MAGI1: variants seen among roughly 807,000 people sequenced by gnomAD.
MAGI1 encodes the protein membrane associated guanylate kinase, WW and PDZ domain containing 1.
A neutral mutation model predicts 139.9 loss-of-function variants in MAGI1; 58 were observed. The ratio of observed to expected loss-of-function variants is 0.41; its 90% CI spans 0.34 to 0.52. The LOEUF is 0.52. Ranked by LOEUF, MAGI1 falls within the 20% of genes least tolerant of loss-of-function variation. The probability of loss-of-function intolerance (pLI) is 0.12; values close to 1 mark genes in which losing one functional copy is unlikely to be tolerated. For synonymous variants in MAGI1, 812 were observed against 737.9 expected, an observed-to-expected ratio of 1.10 and a Z score of -1.63; for missense variants, 1,874 against 1,901.6, an observed-to-expected ratio of 0.99 and a Z score of 0.27.
At chr3:65,461,440 C>A (rs562575014) in intron 5 of MAGI1, among the ~76,000 whole-genome samples, 1 of 149,308 alleles carries the variant, frequency 6.7e-6, no homozygotes, top group Non-Finnish European at 1.5e-5. Context: ...TGGTCTCGAT[C>A]TCCTGACCTC....
rs571735491 is a variant in MAGI1 at position 65,790,250 on chromosome 3, GA to G, written c.314-168163del. 2.5e-3 allele frequency among the ~76,000 whole-genome samples: 383 copies of G among 152,190 alleles called. 1 individual carries two copies. Among genetic ancestry groups the G allele is most frequent in the African/African-American group, 8.7e-3 (362 of 41,552 alleles). On this transcript the variant is annotated intron_variant, in intron 1 of 22. Coordinates refer to ENST00000402939, the MANE Select transcript of MAGI1 (RefSeq NM_001033057.2). ...CTATAAGACCACTGGCCCATAGTGA[GA>G]AAAAAGGAAAATAAAAGATAAAACG...
chr3:65,745,125 T>G (rs1184269163), intron 1 of MAGI1, among the ~76,000 whole-genome samples: 2 of 152,196 alleles, frequency 1.3e-5, no homozygotes, highest in Non-Finnish European at 2.9e-5. Context: ...CAAGTGATTT[T>G]TTGGAAAACT....
intron 5 of MAGI1, among the ~76,000 whole-genome samples, chr3:65,466,456 A>T (rs997195878): frequency 6.6e-6 from 1 of 151,910 alleles, no homozygotes; most frequent in African/African-American, 2.4e-5. Context: ...GACACCGGAG[A>T]GGGGAATGGG....
chr3:65,643,171 C>A (rs1373119823), intron 1 of MAGI1, among the ~76,000 whole-genome samples: 1 of 152,144 alleles, frequency 6.6e-6, no homozygotes, highest in African/African-American at 2.4e-5. Flanking sequence ...TTCTCAGCTC[C>A]TCACCCACTT....
intron 1 of MAGI1, among the ~76,000 whole-genome samples, chr3:65,910,639 A>G (rs1218253123): frequency 2.6e-5 from 4 of 152,212 alleles, no homozygotes. Flanking sequence ...TTAAAGAACT[A>G]CTTACTTAAA....
chr3:65,949,570 G>C (rs2063698524), intron 1 of MAGI1, among the ~76,000 whole-genome samples: 1 of 152,196 alleles, frequency 6.6e-6, no homozygotes, highest in South Asian at 2.1e-4. Context: ...GCATTCAGCT[G>C]AAGTATGAGA....
intron 1 of MAGI1, among the ~76,000 whole-genome samples, chr3:65,973,033 C>A (rs928085509): frequency 1.7e-4 from 26 of 151,980 alleles, no homozygotes; most frequent in Non-Finnish European, 3.7e-4. Context: ...ACCTGTAGTC[C>A]CAGCTACTTG....
At chr3:65,997,582 G>A (rs553542659) in intron 1 of MAGI1, among the ~76,000 whole-genome samples, 2 of 152,252 alleles carry the variant, frequency 1.3e-5, no homozygotes, top group South Asian at 4.2e-4. Context: ...CATGAACCTG[G>A]GAGGCGGAGG....
At chr3:65,898,134 G>A (rs952019063) in intron 1 of MAGI1, among the ~76,000 whole-genome samples, 8 of 152,226 alleles carry the variant, frequency 5.3e-5, no homozygotes, top group African/African-American at 1.9e-4. Context: ...TTTGATATAC[G>A]ATTTGGTTTA....
intron 12 of MAGI1, among the ~76,000 whole-genome samples, chr3:65,426,131 A>G (rs1037256663): frequency 1.3e-5 from 2 of 152,116 alleles, no homozygotes; most frequent in South Asian, 4.1e-4. Flanking sequence ...AACCTGAGTG[A>G]TCGACTGGCA....
intron 16 of MAGI1, among the ~76,000 whole-genome samples, chr3:65,380,117 A>G (rs970308022): frequency 6.6e-6 from 1 of 152,200 alleles, no homozygotes; most frequent in African/African-American, 2.4e-5. Flanking sequence ...TTCTCTTCTT[A>G]GCTTCCAGGT....
At chr3:65,494,656 C>T (rs953187577) in intron 2 of MAGI1, among the ~76,000 whole-genome samples, 2 of 152,168 alleles carry the variant, frequency 1.3e-5, no homozygotes, top group African/African-American at 2.4e-5. Context: ...TAATAAGCAA[C>T]GATATTTCCC....
intron 1 of MAGI1, among the ~76,000 whole-genome samples, chr3:65,953,726 A>C (rs530298869): frequency 1.3e-5 from 2 of 152,308 alleles, no homozygotes; most frequent in Admixed American, 6.5e-5. Context: ...CTCAGACAAC[A>C]ACCTCAGCAC....
intron 1 of MAGI1, among the ~76,000 whole-genome samples, chr3:65,669,855 T>A (rs2086748955): frequency 1.3e-5 from 2 of 152,222 alleles, no homozygotes. Context: ...GTGTTGGTTA[T>A]TATTTGTGCT....
intron 9 of MAGI1, among the ~76,000 whole-genome samples, chr3:65,437,867 G>C (rs1210373039): frequency 6.6e-6 from 1 of 152,062 alleles, no homozygotes; most frequent in African/African-American, 2.4e-5. Context: ...ACACTACCAA[G>C]TTTCATCAGC....
chr3:65,569,604 C>T (rs902548117), intron 2 of MAGI1, among the ~76,000 whole-genome samples: 1 of 152,030 alleles, frequency 6.6e-6, no homozygotes, highest in African/African-American at 2.4e-5. Flanking sequence ...ACGGCAGGCA[C>T]GGTGGCTTGT....
intron 2 of MAGI1, among the ~76,000 whole-genome samples, chr3:65,577,868 A>C (rs945585316): frequency 3.9e-5 from 6 of 152,202 alleles, no homozygotes; most frequent in Non-Finnish European, 5.9e-5. Flanking sequence ...ACAGACTCTA[A>C]GGCAGGCAGA....
At chr3:65,656,254 C>T (rs1559759280) in intron 1 of MAGI1, among the ~76,000 whole-genome samples, 2 of 152,140 alleles carry the variant, frequency 1.3e-5, no homozygotes, top group Non-Finnish European at 2.9e-5. Context: ...AGAAAACTTG[C>T]ATCCATCTCA....
chr3:65,521,737 A>C (rs2078172807), intron 2 of MAGI1, among the ~76,000 whole-genome samples: 1 of 152,178 alleles, frequency 6.6e-6, no homozygotes, highest in Non-Finnish European at 1.5e-5. Flanking sequence ...AGCTTTATGA[A>C]AAGTTGGATG....
Sources: allele counts gnomAD v4.1 joint callset (sites outside exome capture counted in the v4.1 genomes callset), GRCh38; gene constraint gnomAD v4.1.1; transcripts MANE v1.5; gene names NCBI Gene and HGNC (gene_info 2026-07-23, HGNC 2026-07-21).